SUCO: variants seen among roughly 807,000 people sequenced by gnomAD.
SUCO encodes the protein SUN domain containing ossification factor.
In SUCO, 57 loss-of-function variants were observed where a neutral mutation model predicts 148.1. The ratio of observed to expected loss-of-function variants is 0.38; its 90% CI spans 0.31 to 0.48. SUCO has a LOEUF of 0.48. Ranked by LOEUF, SUCO falls within the 20% of genes least tolerant of loss-of-function variation. The pLI is 0.96. For missense variants in SUCO, 1,331 were observed against 1,468.2 expected (o/e 0.91, Z 1.53); for synonymous variants, 470 against 502.7 (o/e 0.93, Z 0.87).
intron 6 of SUCO, among the ~76,000 whole-genome samples, chr1:172,565,750 G>A (rs1019053599): frequency 6.6e-6 from 1 of 152,192 alleles, no homozygotes; most frequent in Non-Finnish European, 1.5e-5. Context: ...CAATAAGACT[G>A]CACACATTTT....
chr1:172,578,495 T>C (rs965137111), intron 14 of SUCO, 106 bp downstream of exon 14: 3 of 1,393,266 alleles, frequency 2.2e-6, no homozygotes, highest in African/African-American at 3.0e-5. Context: ...GACTGTTGTC[T>C]TCAGGCTTTT....
chr1:172,598,382 T>C (rs967946589), intron 19 of SUCO, among the ~76,000 whole-genome samples: 3 of 152,234 alleles, frequency 2.0e-5, no homozygotes, highest in Admixed American at 6.5e-5. Context: ...TAATGTTAAG[T>C]CCTCCAATTT....
intron 3 of SUCO, among the ~76,000 whole-genome samples, chr1:172,554,781 A>G (rs1245785680): frequency 1.3e-5 from 2 of 151,926 alleles, no homozygotes; most frequent in African/African-American, 2.4e-5. Flanking sequence ...TTAATTTTTA[A>G]ATTTTGAATA....
Position 172,603,758 on chromosome 1 carries a change from T to C in SUCO, c.3265+971T>C, listed in dbSNP as rs116618361. Among the ~76,000 whole-genome samples, 1,458 of 152,160 alleles carry C rather than the reference T, an allele frequency of 9.6e-3. 26 individuals are homozygous for C. The highest frequency in any genetic ancestry group is 0.033 in the African/African-American group (1,391 of 41,546). On this transcript the variant is annotated intron_variant, in intron 22 of 23. Coordinates refer to ENST00000263688, the MANE Select transcript of SUCO (RefSeq NM_014283.5). Reference sequence around the variant, plus strand: ...CCTCAAAAACTTCCTTGTGCTCTTTTAGTCACTGCCCATCCTTTCCCAGAG... The same window carrying C: ...CCTCAAAAACTTCCTTGTGCTCTTTCAGTCACTGCCCATCCTTTCCCAGAG...
chr1:172,575,365 G>A (rs1330548636), intron 10 of SUCO, among the ~76,000 whole-genome samples, 153 bp from the exon 11 acceptor site: 1 of 151,922 alleles, frequency 6.6e-6, no homozygotes, highest in Admixed American at 6.6e-5. Context: ...AGTTGGAAAA[G>A]AAAATGTATT....
At chr1:172,606,150 A>G (rs1184850739) in intron 22 of SUCO, among the ~76,000 whole-genome samples, 1 of 151,646 alleles carries the variant, frequency 6.6e-6, no homozygotes, top group Non-Finnish European at 1.5e-5. Context: ...TTATTTCTAC[A>G]TAATTTTGTT....
chr1:172,595,993 C>A lies in SUCO; in HGVS notation c.2914-4071C>A, dbSNP rs758760811. Among the ~76,000 whole-genome samples the A allele has an allele frequency of 1.0e-3, 155 of 152,110 alleles. 1 individual carries two copies. Among genetic ancestry groups the A allele is most frequent in the Non-Finnish European group, 1.7e-3 (115 of 67,972 alleles). ...GTTCATTTGTTTTTACTCTTTTTTT[C>A]TCTAAACTTCTCTTCTCGCTTCATT... is the stretch of plus-strand genomic sequence containing the variant. On this transcript the variant is annotated intron_variant, in intron 19 of 23. Transcript: ENST00000263688.
intron 14 of SUCO, 69 bp from the exon 15 acceptor site, chr1:172,579,133 T>G: frequency 2.4e-6 from 2 of 846,906 alleles, no homozygotes; most frequent in Non-Finnish European, 3.9e-6. Context: ...GGACATAATT[T>G]GAGCTTTTAA....
rs763721546 is a variant in SUCO, at chr1:172,555,987, C to T, written c.407C>T (p.Ser136Leu). Residue 136 changes from serine (S) to leucine (L), a missense_variant, in exon 4 of 24, where the codon TCA becomes TTA. Physicochemically the swap from Ser to Leu is moderately radical, Grantham distance 145 (BLOSUM62 -2). Transcript: ENST00000263688. ...DSETVENISSSSTSEITPISK... is the reference protein window; with the variant it reads ...DSETVENISSLSTSEITPISK... ...GAAACTGTTGAAAATATTTCCAGCT[C>T]ATCTACCTCAGAAATCACTCCAATC... 12 of 1,613,074 alleles carry T rather than the reference C, an allele frequency of 7.4e-6. No homozygotes were observed. The highest frequency in any genetic ancestry group is 1.3e-5 in the African/African-American group (1 of 74,878).
chr1:172,574,284 T>G (rs1655263089), intron 10 of SUCO, among the ~76,000 whole-genome samples: 2 of 152,086 alleles, frequency 1.3e-5, no homozygotes, highest in Non-Finnish European at 2.9e-5. Context: ...ACATGACTTG[T>G]GAGTTTTAGA....
intron 2 of SUCO, chr1:172,552,587 T>G: frequency 1.0e-6 from 1 of 970,910 alleles, no homozygotes; most frequent in African/African-American, 1.8e-5. Context: ...TATTTAAATT[T>G]AAGTTATGTT....
intron 19 of SUCO, among the ~76,000 whole-genome samples, chr1:172,593,484 AG>A (rs762927769): frequency 2.6e-5 from 4 of 152,194 alleles, no homozygotes; most frequent in African/African-American, 7.2e-5. Context: ...TTTAGCATGA[AG>A]GGTTGTTGAA....
chr1:172,532,778 T>G (rs754903407), upstream of SUCO: 1 of 1,612,040 alleles, frequency 6.2e-7, no homozygotes, highest in Admixed American at 1.7e-5. Context: ...TTGCGCGGAC[T>G]CAGCGCGCGA....
intron 1 of SUCO, among the ~76,000 whole-genome samples, chr1:172,537,114 C>T (rs1287634347): frequency 6.6e-6 from 1 of 152,066 alleles, no homozygotes; most frequent in Admixed American, 6.5e-5. Flanking sequence ...AGCTGCATCA[C>T]CCTAAAGAGG....
chr1:172,565,900 A>G (rs530055340), intron 6 of SUCO, among the ~76,000 whole-genome samples: 135 of 152,312 alleles, frequency 8.9e-4, no homozygotes, highest in South Asian at 1.7e-3. Flanking sequence ...TTTGTTCCCT[A>G]GCTTACCTGA....
chr1:172,555,094 A>G (rs547698847), intron 3 of SUCO, among the ~76,000 whole-genome samples: 2 of 152,160 alleles, frequency 1.3e-5, no homozygotes, highest in South Asian at 4.2e-4. Flanking sequence ...GCATTTAAAC[A>G]CCTACTGTGC....
chr1:172,544,599 G>A (rs1652726244), intron 1 of SUCO, among the ~76,000 whole-genome samples: 1 of 152,132 alleles, frequency 6.6e-6, no homozygotes, highest in Admixed American at 6.5e-5. Flanking sequence ...AGTGGGAGCA[G>A]GTACAGAACA....
intron 6 of SUCO, among the ~76,000 whole-genome samples, chr1:172,561,424 G>A (rs952632961): frequency 6.6e-6 from 1 of 152,144 alleles, no homozygotes; most frequent in African/African-American, 2.4e-5. Flanking sequence ...TTATCCTGGG[G>A]ATGTTGATGA....
chr1:172,576,880 G>A (rs6424973), intron 11 of SUCO: 422,493 of 772,436 alleles, frequency 0.55, 117,887 homozygotes, highest in African/African-American at 0.7. Flanking sequence ...ATAATGTTAT[G>A]TAAGTTTTTT....
Sources: gnomAD v4.1 joint callset for allele counts (sites outside exome capture counted in the v4.1 genomes callset) on GRCh38, gnomAD v4.1.1 for gene constraint, MANE v1.5 for transcripts, NCBI Gene and HGNC (gene_info 2026-07-23, HGNC 2026-07-21) for gene names.